The following WARS2 variants were observed in gnomAD, a reference collection of about 807,000 sequenced individuals.
WARS2 encodes tryptophan--tRNA ligase, mitochondrial.
In WARS2, 28 loss-of-function variants were observed where a neutral mutation model predicts 36.5. The ratio of observed to expected loss-of-function variants is 0.77; its 90% CI spans 0.57 to 1.05. The LOEUF is 1.05. Among genes scored for constraint, WARS2 ranks in the 50% least tolerant of loss-of-function variants. The probability of loss-of-function intolerance (pLI) is 0.00; values close to 1 mark genes in which losing one functional copy is unlikely to be tolerated. For missense variants in WARS2, 435 were observed against 456.8 expected (o/e 0.95, Z 0.44); for synonymous variants, 174 against 178.4 (o/e 0.98, Z 0.20).
intron 2 of WARS2, among the ~76,000 whole-genome samples, chr1:119,049,186 G>C (rs1203239174): frequency 6.6e-6 from 1 of 152,190 alleles, no homozygotes; most frequent in Non-Finnish European, 1.5e-5. Context: ...CATGAAACAC[G>C]GGCAGCACAC....
chr1:119,076,680 G>T, intron 1 of WARS2, 73 bp from the exon 2 acceptor site: 1 of 1,565,514 alleles, frequency 6.4e-7, no homozygotes, highest in Non-Finnish European at 8.6e-7. Context: ...TGTTATCATA[G>T]CTATGGGAGC....
At chr1:119,123,924 T>A (rs1655489386) in intron 1 of WARS2, among the ~76,000 whole-genome samples, 2 of 152,152 alleles carry the variant, frequency 1.3e-5, no homozygotes, top group Non-Finnish European at 2.9e-5. Context: ...ACCTCTCTCC[T>A]GAGCTTTGGT....
intron 4 of WARS2, among the ~76,000 whole-genome samples, chr1:119,040,996 CA>C (rs1648309744): frequency 6.6e-6 from 1 of 152,140 alleles, no homozygotes; most frequent in Admixed American, 6.5e-5. Context: ...AACAAACAGA[CA>C]AATAAGCCTT....
At chr1:119,045,937 G>A (rs558302509) in intron 2 of WARS2, among the ~76,000 whole-genome samples, 65 of 152,226 alleles carry the variant, frequency 4.3e-4, no homozygotes, top group Admixed American at 3.5e-3. Context: ...CAGTGAGAAA[G>A]TTTCATGATG....
At chr1:119,035,071 A>G (rs1280666934) in intron 4 of WARS2, among the ~76,000 whole-genome samples, 1 of 152,232 alleles carries the variant, frequency 6.6e-6, no homozygotes, top group African/African-American at 2.4e-5. Flanking sequence ...AACCAAAAAT[A>G]TCAGAATATA....
intron 4 of WARS2, among the ~76,000 whole-genome samples, chr1:119,040,542 G>T (rs947069403): frequency 3.3e-5 from 5 of 152,098 alleles, no homozygotes; most frequent in South Asian, 2.1e-4. Context: ...CCCAGGCTGG[G>T]CTCAAGTGAT....
At chr1:119,055,517 C>A (rs538517693) in intron 2 of WARS2, among the ~76,000 whole-genome samples, 2 of 152,218 alleles carry the variant, frequency 1.3e-5, no homozygotes, top group East Asian at 3.9e-4. Context: ...TGGTGCGCAC[C>A]TATAGTCCCA....
chr1:119,095,795 T>A (rs1013531098), intron 1 of WARS2, among the ~76,000 whole-genome samples: 1 of 152,178 alleles, frequency 6.6e-6, no homozygotes, highest in Non-Finnish European at 1.5e-5. Context: ...GAGCCTCTTA[T>A]ACAAGTTGTA....
chr1:119,075,709 C>A (rs587720830), intron 2 of WARS2, among the ~76,000 whole-genome samples: 1 of 152,198 alleles, frequency 6.6e-6, no homozygotes, highest in Non-Finnish European at 1.5e-5. Flanking sequence ...TAGGGTGTAT[C>A]TTGATTGCCT....
intron 1 of WARS2, among the ~76,000 whole-genome samples, chr1:119,131,459 T>G (rs1476176842): frequency 7.7e-5 from 6 of 78,344 alleles, no homozygotes; most frequent in African/African-American, 2.9e-4. Context: ...AAGTTTTTTG[T>G]TTTTTGTTTT....
intron 1 of WARS2, chr1:119,085,844 C>T (rs1336395419): frequency 6.2e-7 from 1 of 1,610,516 alleles, no homozygotes; most frequent in Non-Finnish European, 8.5e-7. Context: ...CCAGGAAGAT[C>T]CAGGCACTGT....
chr1:119,072,501 T>C (rs1178493377), intron 2 of WARS2, among the ~76,000 whole-genome samples: 3 of 151,968 alleles, frequency 2.0e-5, no homozygotes, highest in African/African-American at 4.8e-5. Flanking sequence ...TGAAAAAAAG[T>C]AGAAGCATAA....
At chr1:119,037,651 T>C (rs1647992474) in intron 4 of WARS2, among the ~76,000 whole-genome samples, 1 of 152,200 alleles carries the variant, frequency 6.6e-6, no homozygotes, top group Admixed American at 6.5e-5. Context: ...TTTCTAAAGA[T>C]TTAAGGCCAC....
intron 1 of WARS2, among the ~76,000 whole-genome samples, chr1:119,099,839 T>C (rs1653728931): frequency 6.6e-6 from 1 of 152,116 alleles, no homozygotes; most frequent in Non-Finnish European, 1.5e-5. Context: ...GACCTGAAAC[T>C]ATAAAAATAC....
At chr1:119,076,258 A>AT in intron 2 of WARS2, 92 bp downstream of exon 2, 1 of 1,488,262 alleles carries the variant, frequency 6.7e-7, no homozygotes, top group Non-Finnish European at 9.0e-7. Context: ...CTTTTTAAAA[A>AT]TCACGAGCAG....
intron 2 of WARS2, among the ~76,000 whole-genome samples, chr1:119,054,134 ATAAC>A (rs1235501918): frequency 1.3e-5 from 2 of 150,558 alleles, no homozygotes; most frequent in African/African-American, 2.4e-5. Flanking sequence ...AAATAAAACA[ATAAC>A]TATTATTATT....
At chr1:119,038,845 T>G (rs1648101977) in intron 4 of WARS2, among the ~76,000 whole-genome samples, 1 of 152,076 alleles carries the variant, frequency 6.6e-6, no homozygotes, top group Admixed American at 6.5e-5. Context: ...CACGCCCGGC[T>G]AATTTTTTGT....
chr1:119,066,240 G>A (rs762350565), intron 2 of WARS2, among the ~76,000 whole-genome samples: 23 of 152,156 alleles, frequency 1.5e-4, no homozygotes, highest in Non-Finnish European at 3.1e-4. Context: ...CACTTTGGGA[G>A]GCTAAGGTGG....
chr1:119,134,702 T>C (rs1013187324), intron 1 of WARS2, among the ~76,000 whole-genome samples: 6 of 152,224 alleles, frequency 3.9e-5, no homozygotes, highest in Non-Finnish European at 8.8e-5. Flanking sequence ...GCATATCATC[T>C]CTGTGCCTAT....
Sources: allele counts gnomAD v4.1 joint callset (sites outside exome capture counted in the v4.1 genomes callset), GRCh38; gene constraint gnomAD v4.1.1; transcripts MANE v1.5; gene names NCBI Gene and HGNC (gene_info 2026-07-23, HGNC 2026-07-21).